Variants in CNTN4 observed in about 807,000 individuals in gnomAD.
CNTN4 encodes contactin 4.
CNTN4 carries 77 observed loss-of-function variants against 122.5 expected under a neutral mutation model. The observed-to-expected ratio is 0.63, with a 90% CI of 0.52 to 0.76. The LOEUF (loss-of-function observed/expected upper bound fraction) is 0.76. CNTN4 is among the 30% of genes least tolerant of loss of function. The pLI, the probability that CNTN4 is intolerant of heterozygous loss-of-function variation, is 0.00. For synonymous variants in CNTN4, 512 were observed against 447.0 expected, an observed-to-expected ratio of 1.15 and a Z score of -1.83; for missense variants, 1,256 against 1,259.1, an observed-to-expected ratio of 1.00 and a Z score of 0.04.
intron 8 of CNTN4, among the ~76,000 whole-genome samples, chr3:2,880,784 C>T (rs960686870): frequency 7.2e-5 from 11 of 152,204 alleles, no homozygotes; most frequent in African/African-American, 2.7e-4. Context: ...TCAACACCGA[C>T]TGGTTTTCTG....
At chr3:2,463,804 A>G (rs1235431473) in intron 3 of CNTN4, among the ~76,000 whole-genome samples, 2 of 152,178 alleles carry the variant, frequency 1.3e-5, no homozygotes, top group Non-Finnish European at 2.9e-5. Context: ...TTATTAAAAT[A>G]GGAATGACTT....
At chr3:2,237,709 G>T (rs1201493144) in intron 2 of CNTN4, among the ~76,000 whole-genome samples, 1 of 152,152 alleles carries the variant, frequency 6.6e-6, no homozygotes, top group East Asian at 1.9e-4. Flanking sequence ...TAAAGAAATG[G>T]TAAGTGATAA....
At chr3:2,129,958 A>G (rs2034372627) in intron 2 of CNTN4, among the ~76,000 whole-genome samples, 1 of 152,056 alleles carries the variant, frequency 6.6e-6, no homozygotes, top group African/African-American at 2.4e-5. Context: ...TAAATTTTAC[A>G]TATTATCAGT....
chr3:2,852,984 C>T (rs574632568), intron 7 of CNTN4, among the ~76,000 whole-genome samples: 7 of 152,146 alleles, frequency 4.6e-5, no homozygotes, highest in South Asian at 2.1e-4. Context: ...CCAGTTTTTA[C>T]GCAGAACTAT....
At chr3:2,649,586 G>A (rs988959252) in intron 4 of CNTN4, among the ~76,000 whole-genome samples, 2 of 152,110 alleles carry the variant, frequency 1.3e-5, no homozygotes, top group African/African-American at 4.8e-5. Context: ...TATTACTTGT[G>A]TTTGACAATG....
chr3:3,014,086 A>ACACACC (rs1491165607), intron 14 of CNTN4, among the ~76,000 whole-genome samples: 43 of 135,052 alleles, frequency 3.2e-4, no homozygotes, highest in African/African-American at 1.1e-3. Context: ...ACACACACAC[A>ACACACC]CCCCTAGGGG....
At chr3:2,436,998 G>C (rs1160920048) in intron 3 of CNTN4, among the ~76,000 whole-genome samples, 5 of 151,746 alleles carry the variant, frequency 3.3e-5, no homozygotes, top group African/African-American at 1.2e-4. Context: ...TTTTTCTTTA[G>C]AGTATAGAAT....
chr3:2,304,897 A>G (rs1043077646), intron 2 of CNTN4, among the ~76,000 whole-genome samples: 1 of 151,610 alleles, frequency 6.6e-6, no homozygotes, highest in African/African-American at 2.4e-5. Context: ...TTATTTTTTC[A>G]AAGTGATTTG....
chr3:2,600,210 GA>G (rs2080974419), intron 4 of CNTN4, among the ~76,000 whole-genome samples: 2 of 150,868 alleles, frequency 1.3e-5, no homozygotes, highest in South Asian at 4.2e-4. Context: ...GGGCAGCTTA[GA>G]TTTTTTTTAT....
intron 2 of CNTN4, among the ~76,000 whole-genome samples, chr3:2,139,062 T>G (rs2032582337): frequency 6.6e-6 from 1 of 152,082 alleles, no homozygotes; most frequent in Admixed American, 6.6e-5. Flanking sequence ...CTCTAACAAA[T>G]GGGGGAGCAT....
In CNTN4 at chr3:2,727,013, T is replaced by C. The variant is rs1554200; in HGVS notation, c.56-9202T>C. Among the ~76,000 whole-genome samples the C allele has an allele frequency of 6.9e-3, 1,047 of 152,282 alleles. 7 individuals carry two copies. The highest frequency in any genetic ancestry group is 9.9e-3 in the Non-Finnish European group (672 of 68,014). Reference sequence around the variant, plus strand: ...AATAAAGTTCTATTAATTAAAAAGATGAAGTTAGCTATAACTATTATTAGT... The same window carrying C: ...AATAAAGTTCTATTAATTAAAAAGACGAAGTTAGCTATAACTATTATTAGT... On this transcript the variant is annotated intron_variant, in intron 4 of 24. Transcript: ENST00000418658.
intron 2 of CNTN4, among the ~76,000 whole-genome samples, chr3:2,177,629 G>A (rs2036810224): frequency 6.7e-6 from 1 of 149,246 alleles, no homozygotes; most frequent in Non-Finnish European, 1.5e-5. Context: ...CTTCAGAGAA[G>A]CAGAACCAAT....
intron 2 of CNTN4, among the ~76,000 whole-genome samples, chr3:2,100,935 A>G (rs2031896353): frequency 6.6e-6 from 1 of 152,214 alleles, no homozygotes; most frequent in African/African-American, 2.4e-5. Flanking sequence ...TAAGAGTCTA[A>G]GAGAAGTGAC....
At chr3:2,380,289 A>T (rs1227145785) in intron 3 of CNTN4, among the ~76,000 whole-genome samples, 1 of 119,038 alleles carries the variant, frequency 8.4e-6, no homozygotes, top group East Asian at 2.2e-4. Context: ...CTCAATGGTA[A>T]CATTAGGGTT....
At chr3:2,992,209 A>G (rs1266983261) in intron 14 of CNTN4, among the ~76,000 whole-genome samples, 1 of 152,238 alleles carries the variant, frequency 6.6e-6, no homozygotes, top group Non-Finnish European at 1.5e-5. Context: ...CTGCATGAGC[A>G]GGCTCCCAAA....
chr3:2,977,086 C>G (rs1693489587), intron 13 of CNTN4, among the ~76,000 whole-genome samples: 1 of 152,206 alleles, frequency 6.6e-6, no homozygotes, highest in African/African-American at 2.4e-5. Flanking sequence ...TTATCTCTGT[C>G]TCTTCATTGT....
intron 4 of CNTN4, among the ~76,000 whole-genome samples, chr3:2,607,906 C>A (rs1239292279): frequency 6.6e-6 from 1 of 152,058 alleles, no homozygotes; most frequent in East Asian, 1.9e-4. Context: ...AAAAACGTGT[C>A]TTTTATAGTT....
chr3:2,537,634 G>A (rs984956775), intron 3 of CNTN4, among the ~76,000 whole-genome samples: 1 of 152,018 alleles, frequency 6.6e-6, no homozygotes, highest in African/African-American at 2.4e-5. Context: ...CATGACCCAG[G>A]ATATCAGATT....
At chr3:2,147,632 A>G (rs1428947788) in intron 2 of CNTN4, among the ~76,000 whole-genome samples, 1 of 152,016 alleles carries the variant, frequency 6.6e-6, no homozygotes, top group African/African-American at 2.4e-5. Flanking sequence ...CAGTGCTTCA[A>G]TCCCATTATT....
Sources: allele counts gnomAD v4.1 joint callset (sites outside exome capture counted in the v4.1 genomes callset), GRCh38; gene constraint gnomAD v4.1.1; transcripts MANE v1.5; gene names NCBI Gene and HGNC (gene_info 2026-07-23, HGNC 2026-07-21).